OPCML: variants seen among roughly 807,000 people sequenced by gnomAD.
OPCML encodes the protein opioid-binding protein/cell adhesion molecule.
In OPCML, 13 loss-of-function variants were observed where a neutral mutation model predicts 37.8. The observed-to-expected ratio is 0.34, with a 90% CI of 0.22 to 0.55. OPCML has a LOEUF of 0.55. Among genes scored for constraint, OPCML ranks in the 20% least tolerant of loss-of-function variants. The pLI is 0.91. For synonymous variants in OPCML, 176 were observed against 168.8 expected (o/e 1.04, Z -0.33); for missense variants, 341 against 435.6 (o/e 0.78, Z 1.93).
intron 3 of OPCML, among the ~76,000 whole-genome samples, chr11:132,638,642 T>C (rs1440633245): frequency 2.0e-5 from 3 of 152,132 alleles, no homozygotes; most frequent in Non-Finnish European, 4.4e-5. Context: ...TGAGATGTCT[T>C]TTAAGACTTT....
chr11:132,436,096 G>T lies in OPCML; in HGVS notation c.906C>A (p.Ile302=). ...GCTTCCAGCACTCACCATACAATGT[G>T]ATGCTGGCATTGGTGTTCCCAAGCT... ...TNKLGNTNAS[I]TLYGPGAVID... The change falls in exon 7 of 8, where the codon ATC becomes ATA. Residue 302 remains isoleucine, a synonymous_variant. Coordinates refer to ENST00000524381, the MANE Select transcript of OPCML (RefSeq NM_001012393.5). 6.2e-7 allele frequency: 1 copy of T among 1,613,984 alleles called. No individual in the cohort carries two copies. The highest frequency in any genetic ancestry group is 8.5e-7 in the Non-Finnish European group (1 of 1,179,914).
At chr11:133,360,079 A>G (rs1944379814) in intron 1 of OPCML, 1 of 152,244 alleles carries the variant, frequency 6.6e-6, no homozygotes, top group Non-Finnish European at 1.5e-5. Context: ...TTTATTGAAC[A>G]TTGACAATGT....
chr11:133,345,078 T>C (rs1943965207), intron 1 of OPCML, among the ~76,000 whole-genome samples: 1 of 152,124 alleles, frequency 6.6e-6, no homozygotes, highest in Non-Finnish European at 1.5e-5. Context: ...TCAAATCATA[T>C]ACACCAGCCC....
intron 2 of OPCML, among the ~76,000 whole-genome samples, chr11:132,791,449 C>A (rs529618938): frequency 6.6e-6 from 1 of 152,234 alleles, no homozygotes; most frequent in African/African-American, 2.4e-5. Flanking sequence ...CTATCAGACC[C>A]CTCCTAACTC....
At chr11:132,565,550 GCTTGACA>G (rs2096420608) in intron 3 of OPCML, among the ~76,000 whole-genome samples, 1 of 152,142 alleles carries the variant, frequency 6.6e-6, no homozygotes, top group Non-Finnish European at 1.5e-5. Context: ...CATGTATCAG[GCTTGACA>G]TTGACTACAG....
At chr11:132,914,528 TC>T (rs1487272425) in intron 2 of OPCML, among the ~76,000 whole-genome samples, 4 of 152,226 alleles carry the variant, frequency 2.6e-5, no homozygotes, top group African/African-American at 9.7e-5. Flanking sequence ...GATGTCTTTA[TC>T]CCTTTGTCCT....
chr11:132,815,306 G>A (rs1016615143), intron 2 of OPCML, among the ~76,000 whole-genome samples: 2 of 152,156 alleles, frequency 1.3e-5, no homozygotes, highest in African/African-American at 4.8e-5. Context: ...TCAGCCCGCT[G>A]AATATTTGCA....
intron 2 of OPCML, among the ~76,000 whole-genome samples, chr11:132,813,782 C>T (rs1006045199): frequency 6.6e-6 from 1 of 152,170 alleles, no homozygotes; most frequent in African/African-American, 2.4e-5. Flanking sequence ...CCTTAATTCT[C>T]ATCTCAGCTG....
At chr11:133,203,170 G>GT (rs1284870366) in intron 1 of OPCML, among the ~76,000 whole-genome samples, 3 of 152,116 alleles carry the variant, frequency 2.0e-5, no homozygotes, top group Non-Finnish European at 4.4e-5. Context: ...TCAAAACTAG[G>GT]TTTATCTCCA....
At chr11:133,222,811 G>C (rs1238471868) in intron 1 of OPCML, among the ~76,000 whole-genome samples, 1 of 151,852 alleles carries the variant, frequency 6.6e-6, no homozygotes, top group Admixed American at 6.6e-5. Flanking sequence ...GGGGAGCAAA[G>C]GGGGGCCGAG....
At chr11:132,709,506 C>T (rs1391435449) in intron 2 of OPCML, among the ~76,000 whole-genome samples, 2 of 152,190 alleles carry the variant, frequency 1.3e-5, no homozygotes, top group African/African-American at 2.4e-5. Flanking sequence ...ATTTAGTTGT[C>T]CTTTTTCCTA....
intron 2 of OPCML, chr11:132,817,151 A>G (rs1367448433): frequency 1.3e-5 from 2 of 152,344 alleles, no homozygotes; most frequent in African/African-American, 4.8e-5. Flanking sequence ...GCTATGATTG[A>G]TCTGTGGCTT....
At chr11:132,974,131 G>A (rs1198073493) in intron 1 of OPCML, among the ~76,000 whole-genome samples, 1 of 152,144 alleles carries the variant, frequency 6.6e-6, no homozygotes, top group Non-Finnish European at 1.5e-5. Flanking sequence ...ACTCTAATAA[G>A]CATTTCTTGC....
intron 1 of OPCML, among the ~76,000 whole-genome samples, chr11:133,285,228 G>A (rs150651604): frequency 2.2e-3 from 328 of 152,318 alleles, no homozygotes; most frequent in Non-Finnish European, 4.0e-3. Flanking sequence ...GGTATGTGGG[G>A]AGGAGGGACA....
chr11:133,521,292 TGAGGCAAAGTCA>T (rs1271897850), intron 1 of OPCML, among the ~76,000 whole-genome samples: 8 of 152,218 alleles, frequency 5.3e-5, no homozygotes, highest in Admixed American at 2.0e-4. Context: ...TCATAAGCTG[TGAGGCAAAGTCA>T]GAGGCAAAGT....
chr11:132,652,911 T>C (rs1403862733), intron 3 of OPCML, among the ~76,000 whole-genome samples: 2 of 152,164 alleles, frequency 1.3e-5, no homozygotes, highest in Non-Finnish European at 2.9e-5. Context: ...TACAAACATT[T>C]GCTGAGTGCC....
rs547278322 is a variant in OPCML, at chr11:132,724,352, C to T, written c.147-67033G>A. Among the ~76,000 whole-genome samples, 7 of 152,278 alleles carry T rather than the reference C, an allele frequency of 4.6e-5. No homozygotes were observed. In the South Asian group the frequency reaches 1.4e-3, roughly 32 times the overall value. ...ACATTAAGTTCTTCTATGTATTAGT[C>T]TGTTTTTGCACTGCTGTTAAAGAAC... On this transcript the variant is annotated intron_variant, in intron 2 of 7. Coordinates refer to ENST00000524381, the MANE Select transcript of OPCML (RefSeq NM_001012393.5).
At chr11:132,517,029 GAA>G (rs2096281531) in intron 4 of OPCML, among the ~76,000 whole-genome samples, 1 of 152,116 alleles carries the variant, frequency 6.6e-6, no homozygotes, top group African/African-American at 2.4e-5. Context: ...TTCTACATAT[GAA>G]AGAGGTCTTT....
intron 2 of OPCML, among the ~76,000 whole-genome samples, chr11:132,702,055 A>G (rs1943846873): frequency 6.6e-6 from 1 of 152,062 alleles, no homozygotes; most frequent in African/African-American, 2.4e-5. Context: ...ATTTTTAATA[A>G]TCTTGTCTCT....
Sources: gnomAD v4.1 joint callset for allele counts (sites outside exome capture counted in the v4.1 genomes callset) on GRCh38, gnomAD v4.1.1 for gene constraint, MANE v1.5 for transcripts, NCBI Gene and HGNC (gene_info 2026-07-23, HGNC 2026-07-21) for gene names.